ATL1: variants seen among roughly 807,000 people sequenced by gnomAD.
ATL1 encodes atlastin-1.
ATL1 carries 31 observed loss-of-function variants against 75.5 expected under a neutral mutation model. That is an observed-to-expected ratio of 0.41 (90% CI 0.31 to 0.55). The LOEUF (loss-of-function observed/expected upper bound fraction) is 0.55, where lower values mean the gene tolerates loss of function less well. ATL1 is among the 20% of genes least tolerant of loss of function. ATL1 has a pLI of 0.27. For missense variants in ATL1, 405 were observed against 662.6 expected, an observed-to-expected ratio of 0.61 and a Z score of 4.27; for synonymous variants, 226 against 233.3, an observed-to-expected ratio of 0.97 and a Z score of 0.28.
intron 9 of ATL1, 43 bp from the exon 10 acceptor site, chr14:50,621,800 T>C: frequency 1.6e-6 from 2 of 1,221,872 alleles, no homozygotes; most frequent in Admixed American, 1.8e-5. Flanking sequence ...GAGGAAATAT[T>C]GAATGGAATT....
chr14:50,582,247 C>G (rs1341131275), intron 1 of ATL1, among the ~76,000 whole-genome samples: 1 of 151,556 alleles, frequency 6.6e-6, no homozygotes, highest in Non-Finnish European at 1.5e-5. Flanking sequence ...CCACTGCACT[C>G]TAGCCTGGGT....
intron 1 of ATL1, among the ~76,000 whole-genome samples, chr14:50,562,677 C>T (rs1287355228): frequency 6.6e-6 from 1 of 152,172 alleles, no homozygotes; most frequent in Non-Finnish European, 1.5e-5. Context: ...ATACTAGAAT[C>T]ACTATAGTGT....
intron 1 of ATL1, among the ~76,000 whole-genome samples, chr14:50,544,401 A>G (rs1302214879): frequency 2.0e-5 from 3 of 152,198 alleles, no homozygotes; most frequent in African/African-American, 7.2e-5. Context: ...CTTAGGGAAT[A>G]AATCTTGATT....
At chr14:50,605,153 G>A (rs2039305386) in intron 6 of ATL1, among the ~76,000 whole-genome samples, 3 of 151,870 alleles carry the variant, frequency 2.0e-5, no homozygotes. Flanking sequence ...CATATCCTTG[G>A]AGAGTTTGTG....
chr14:50,597,856 A>G (rs2039235871), intron 6 of ATL1, among the ~76,000 whole-genome samples: 1 of 151,844 alleles, frequency 6.6e-6, no homozygotes, highest in African/African-American at 2.4e-5. Flanking sequence ...CACCACACCC[A>G]GCTAATTTTT....
chr14:50,572,558 T>A (rs1365510399), intron 1 of ATL1, among the ~76,000 whole-genome samples: 1 of 152,128 alleles, frequency 6.6e-6, no homozygotes, highest in Non-Finnish European at 1.5e-5. Flanking sequence ...TCTTTTATCA[T>A]GTGATTTCTC....
intron 1 of ATL1, among the ~76,000 whole-genome samples, chr14:50,586,757 T>C (rs2140200487): frequency 6.6e-6 from 1 of 152,286 alleles, no homozygotes; most frequent in East Asian, 1.9e-4. Flanking sequence ...GTTTTGACTC[T>C]TGCAATCTAA....
chr14:50,552,541 G>A lies in ATL1; in HGVS notation c.-139-7586G>A, dbSNP rs531291642. Among the ~76,000 whole-genome samples, 10 of 152,150 alleles carry A rather than the reference G, an allele frequency of 6.6e-5. No individual in the cohort carries two copies. In the South Asian group the frequency reaches 2.1e-3, roughly 32 times the overall value. On this transcript the variant is annotated intron_variant, in intron 1 of 13. Coordinates refer to the ATL1 transcript ENST00000441560. ...CTAAAATTTGTATGGAACCAAAAAA[G>A]AGCCCACATAGCCAAAGCAGTAATA...
At chr14:50,625,195 T>C (rs1244781404) in intron 11 of ATL1, among the ~76,000 whole-genome samples, 1 of 152,186 alleles carries the variant, frequency 6.6e-6, no homozygotes, top group Non-Finnish European at 1.5e-5. Flanking sequence ...AGCCACAACA[T>C]GCCCTTAAGC....
At chr14:50,632,200 G>T in intron 13 of ATL1, 29 bp from the exon 14 acceptor site, 1 of 1,528,390 alleles carries the variant, frequency 6.5e-7, no homozygotes. Context: ...TTAATAAAAT[G>T]TTTTATAATT....
chr14:50,564,647 C>CAAAAAA lies in ATL1; in HGVS notation c.34+4373_34+4378dup, dbSNP rs60054322. ...TGGGCGACAGAGCAAGATTCCGTCTCAAAAAAAAAAAAAAAAAAAAAAAAA... is the reference window on the plus strand; with the variant it reads ...TGGGCGACAGAGCAAGATTCCGTCTCAAAAAAAAAAAAAAAAAAAAAAAAAAAAAAA... On this transcript the variant is annotated intron_variant, in intron 1 of 13. Coordinates refer to ENST00000358385, the MANE Select transcript of ATL1 (RefSeq NM_015915.5). Among the ~76,000 whole-genome samples, 255 of 39,978 alleles carry CAAAAAA rather than the reference C, an allele frequency of 6.4e-3. 1 individual carries two copies. Among genetic ancestry groups the CAAAAAA allele is most frequent in the African/African-American group, 7.7e-3 (70 of 9,082 alleles). 26.2% of individuals were successfully genotyped at this position (39,978 alleles called of 152,430 possible).
At position 50,628,156 on chromosome 14, in the gene ATL1, G is replaced by A. The variant is rs979353252; in HGVS notation, c.1245G>A (p.Arg415=). 1.5e-5 allele frequency: 24 copies of A among 1,614,050 alleles called. No homozygotes were observed. Among genetic ancestry groups the A allele is most frequent in the Non-Finnish European group, 2.0e-5 (24 of 1,180,042 alleles). The change falls in exon 12 of 14, where the codon CGG becomes CGA. Residue 415 remains arginine, a synonymous_variant. Coordinates refer to ENST00000358385, the MANE Select transcript of ATL1 (RefSeq NM_015915.5). ...VKKMGGEEFS[R]RYLQQLESEI... ...AGATGGGTGGGGAAGAATTTAGCCG[G>A]CGTTACCTGCAGCAGTTGGAGAGTG...
intron 1 of ATL1, among the ~76,000 whole-genome samples, chr14:50,550,037 T>C (rs1337501293): frequency 1.3e-5 from 2 of 152,190 alleles, no homozygotes; most frequent in Non-Finnish European, 2.9e-5. Context: ...TACATGGACC[T>C]TCAGGTTTTA....
Position 50,539,412 on chromosome 14 carries a change from A to G in ATL1, c.-140+6045A>G, listed in dbSNP as rs545749810. On this transcript the variant is annotated intron_variant, in intron 1 of 13. Transcript: ENST00000441560. ...AAATACCAGGCATGAATAGAAAATC[A>G]GAAAACTTCCTTGACAGCTTTGAAG... 2.1e-4 allele frequency among the ~76,000 whole-genome samples: 32 copies of G among 152,392 alleles called. 1 individual carries two copies. In the East Asian group the frequency reaches 5.8e-3, roughly 28 times the overall value.
chr14:50,621,811 G>C (rs943276816), intron 9 of ATL1, 32 bp from the exon 10 acceptor site: 18 of 1,361,758 alleles, frequency 1.3e-5, no homozygotes, highest in Non-Finnish European at 1.8e-5. Context: ...GAATGGAATT[G>C]CTTGAACATG....
At chr14:50,631,028 G>A (rs2039574617) in intron 13 of ATL1, 1 of 448,846 alleles carries the variant, frequency 2.2e-6, no homozygotes, top group South Asian at 1.6e-5. Flanking sequence ...GGAGACTGAG[G>A]TGGGCGGATC....
intron 1 of ATL1, among the ~76,000 whole-genome samples, chr14:50,539,914 T>C (rs2038539682): frequency 6.6e-6 from 1 of 152,202 alleles, no homozygotes; most frequent in Non-Finnish European, 1.5e-5. Context: ...TTTAGGGAGA[T>C]GGGATGTTGG....
chr14:50,602,118 A>C (rs1442202781), intron 6 of ATL1, among the ~76,000 whole-genome samples: 1 of 152,176 alleles, frequency 6.6e-6, no homozygotes, highest in Non-Finnish European at 1.5e-5. Flanking sequence ...CATTATTTGA[A>C]GTTCACTCTA....
chr14:50,566,686 T>C (rs557415797), intron 1 of ATL1, among the ~76,000 whole-genome samples: 14 of 152,196 alleles, frequency 9.2e-5, no homozygotes, highest in Non-Finnish European at 1.9e-4. Context: ...TCTTGCTTTG[T>C]AGGAGTTTTA....
Sources: allele counts gnomAD v4.1 joint callset (sites outside exome capture counted in the v4.1 genomes callset), GRCh38; gene constraint gnomAD v4.1.1; transcripts MANE v1.5; gene names NCBI Gene and HGNC (gene_info 2026-07-23, HGNC 2026-07-21).